ZMYM5: variants seen among roughly 807,000 people sequenced by gnomAD.
ZMYM5 encodes the protein zinc finger MYM-type containing 5, also known as zinc finger MYM-type protein 5.
In ZMYM5, 41 loss-of-function variants were observed where a neutral mutation model predicts 61.8. That is an observed-to-expected ratio of 0.66 (90% CI 0.52 to 0.86). The LOEUF (loss-of-function observed/expected upper bound fraction) is 0.86, where lower values mean the gene tolerates loss of function less well. Among genes scored for constraint, ZMYM5 ranks in the 40% least tolerant of loss-of-function variants. The probability of loss-of-function intolerance (pLI) is 0.00; values close to 1 mark genes in which losing one functional copy is unlikely to be tolerated. For missense variants in ZMYM5, 706 were observed against 786.7 expected, an observed-to-expected ratio of 0.90 and a Z score of 1.23; for synonymous variants, 257 against 276.4, an observed-to-expected ratio of 0.93 and a Z score of 0.70.
At chr13:19,863,090 G>T (rs1401223763) in intron 1 of ZMYM5, among the ~76,000 whole-genome samples, 1 of 152,180 alleles carries the variant, frequency 6.6e-6, no homozygotes, top group East Asian at 1.9e-4. Context: ...TGACAGCGAA[G>T]ACCCGGCCGG....
chr13:19,844,930 T>C (rs1020587854), intron 4 of ZMYM5, among the ~76,000 whole-genome samples: 5 of 152,208 alleles, frequency 3.3e-5, no homozygotes, highest in Non-Finnish European at 7.3e-5. Flanking sequence ...GCTGAAACTC[T>C]TATGCTGCAA....
At chr13:19,861,329 T>C (rs750932301) in intron 2 of ZMYM5, among the ~76,000 whole-genome samples, 1 of 152,030 alleles carries the variant, frequency 6.6e-6, no homozygotes, top group Non-Finnish European at 1.5e-5. Context: ...TTGTATTTTT[T>C]GTAGAGAAAG....
At position 19,852,057 on chromosome 13, in the gene ZMYM5, A is replaced by C. The variant is rs925176628; in HGVS notation, c.124T>G (p.Leu42Val). The change falls in exon 3 of 8, where the codon TTA (leucine) becomes GTA (valine). Residue 42 changes from leucine to valine, a missense_variant. Physicochemically the swap from Leu to Val is conservative, Grantham distance 32 (BLOSUM62 1). This residue lies in a region of ZMYM5 where 480 missense variants were observed against 461.7 expected (regional missense o/e 1.04). Transcript: ENST00000337963. ...GGTGAGTTCCTAGATCTACTGACTA[A>C]AGGACAAGCTGGATGACCAAATGAA... ...GDSFGHPACP[L>V]VSRSRNSPVE... The C allele has an allele frequency of 1.9e-6, 3 of 1,613,884 alleles. No individual in the cohort carries two copies. The African/African-American group carries it at 4.0e-5, about 22-fold the overall frequency.
At chr13:19,830,420 G>A (rs1891142386) in intron 7 of ZMYM5, among the ~76,000 whole-genome samples, 1 of 152,178 alleles carries the variant, frequency 6.6e-6, no homozygotes. Context: ...CGTTGCTCAG[G>A]TTGAAGTGCA....
intron 1 of ZMYM5, among the ~76,000 whole-genome samples, chr13:19,862,717 C>A (rs1218795057): frequency 6.6e-6 from 1 of 152,246 alleles, no homozygotes; most frequent in Non-Finnish European, 1.5e-5. Flanking sequence ...CCGAGGCCTG[C>A]TCCCAGGACG....
intron 4 of ZMYM5, among the ~76,000 whole-genome samples, chr13:19,842,879 G>A (rs1259537862): frequency 2.3e-5 from 3 of 132,908 alleles, no homozygotes; most frequent in Non-Finnish European, 3.1e-5. Flanking sequence ...AGAATCGCTT[G>A]AATCTGGGAG....
chr13:19,840,273 G>A (rs2138538905), intron 4 of ZMYM5, among the ~76,000 whole-genome samples: 1 of 152,268 alleles, frequency 6.6e-6, no homozygotes, highest in Admixed American at 6.5e-5. Context: ...GCTCATGCCT[G>A]TAATTCCAGC....
intron 6 of ZMYM5, among the ~76,000 whole-genome samples, chr13:19,836,013 G>T (rs1014604735): frequency 2.6e-5 from 4 of 151,966 alleles, no homozygotes; most frequent in Non-Finnish European, 4.4e-5. Flanking sequence ...TAGTAGAGAC[G>T]GGGTTTCACC....
At chr13:19,838,370 T>C (rs2138526351) in intron 5 of ZMYM5, among the ~76,000 whole-genome samples, 1 of 152,250 alleles carries the variant, frequency 6.6e-6, no homozygotes, top group East Asian at 1.9e-4. Context: ...AGAGTGAGAC[T>C]CCGTCTCAAA....
chr13:19,859,977 A>T (rs1404395732), intron 2 of ZMYM5, among the ~76,000 whole-genome samples: 2 of 148,798 alleles, frequency 1.3e-5, no homozygotes, highest in Non-Finnish European at 3.0e-5. Flanking sequence ...GGTGGCATGT[A>T]CCTATAGTCT....
chr13:19,846,997 G>A (rs563763983), intron 4 of ZMYM5, among the ~76,000 whole-genome samples: 3 of 152,066 alleles, frequency 2.0e-5, no homozygotes, highest in African/African-American at 7.2e-5. Flanking sequence ...GCCCAGGCTG[G>A]AGTGCAATGG....
At chr13:19,844,302 C>G (rs1953000767) in intron 4 of ZMYM5, among the ~76,000 whole-genome samples, 1 of 151,998 alleles carries the variant, frequency 6.6e-6, no homozygotes, top group African/African-American at 2.4e-5. Flanking sequence ...AGAGCCAGAC[C>G]TTGTTTCAAA....
At chr13:19,848,603 G>C (rs1275237578) in intron 4 of ZMYM5, among the ~76,000 whole-genome samples, 1 of 151,490 alleles carries the variant, frequency 6.6e-6, no homozygotes, top group Non-Finnish European at 1.5e-5. Context: ...GAGTGATCTG[G>C]GCTCACTGCA....
At chr13:19,833,478 A>C (rs1444979950) in intron 7 of ZMYM5, among the ~76,000 whole-genome samples, 1 of 152,124 alleles carries the variant, frequency 6.6e-6, no homozygotes. Context: ...TATTTCACTG[A>C]TCTCTGTTAG....
At chr13:19,826,624 G>A (rs535842508) in intron 7 of ZMYM5, among the ~76,000 whole-genome samples, 3 of 150,228 alleles carry the variant, frequency 2.0e-5, no homozygotes, top group South Asian at 4.2e-4. Context: ...GCATGGTGGC[G>A]GGCACCTGTA....
chr13:19,848,708 T>G (rs576902842), intron 4 of ZMYM5, among the ~76,000 whole-genome samples: 11 of 151,880 alleles, frequency 7.2e-5, no homozygotes, highest in Non-Finnish European at 1.2e-4. Context: ...TACTTTTTAA[T>G]TTTTTTAGTA....
intron 5 of ZMYM5, among the ~76,000 whole-genome samples, 187 bp downstream of exon 5, chr13:19,838,513 C>T (rs928682957): frequency 6.6e-6 from 1 of 152,014 alleles, no homozygotes; most frequent in East Asian, 1.9e-4. Flanking sequence ...ATTTTTCTGC[C>T]GAGAGTAAAT....
intron 2 of ZMYM5, among the ~76,000 whole-genome samples, 169 bp downstream of exon 2, chr13:19,862,230 T>TC (rs1953795083): frequency 6.6e-6 from 1 of 152,050 alleles, no homozygotes; most frequent in African/African-American, 2.4e-5. Context: ...CCCCGTGCCT[T>TC]CCCAGGGACT....
chr13:19,843,874 C>T (rs1443592823), intron 4 of ZMYM5, among the ~76,000 whole-genome samples: 1 of 149,622 alleles, frequency 6.7e-6, no homozygotes, highest in East Asian at 2.0e-4. Context: ...GTGGCTCACG[C>T]CTGTAATCCC....
Sources: allele counts gnomAD v4.1 joint callset (sites outside exome capture counted in the v4.1 genomes callset), GRCh38; gene constraint gnomAD v4.1.1; regional missense constraint gnomAD v4.1.1; transcripts MANE v1.5; gene names NCBI Gene and HGNC (gene_info 2026-07-23, HGNC 2026-07-21).